SYNE2: variants seen among roughly 807,000 people sequenced by gnomAD.
SYNE2 encodes spectrin repeat containing nuclear envelope protein 2, also known as nesprin-2.
Under a neutral mutation model 856.3 loss-of-function variants are expected in SYNE2, and 431 were observed. The ratio of observed to expected loss-of-function variants is 0.50; its 90% CI spans 0.47 to 0.55. The LOEUF is 0.55. Among genes scored for constraint, SYNE2 ranks in the 20% least tolerant of loss-of-function variants. The pLI is 0.00. For synonymous variants in SYNE2, 2,923 were observed against 2,872.3 expected (o/e 1.02, Z -0.56); for missense variants, 8,129 against 8,023.2 (o/e 1.01, Z -0.50).
In SYNE2 at chr14:64,080,560, G is replaced by A. The variant is rs1199966909; in HGVS notation, c.11268G>A (p.Met3756Ile). ...EQDPGQAQEWMDNLMIPFQQY... is the reference protein window; with the variant it reads ...EQDPGQAQEWIDNLMIPFQQY... ...ACCCAGGACAGGCTCAAGAATGGAT[G>A]GATAACTTGATGATTCCTTTCCAGC... is the stretch of plus-strand genomic sequence containing the variant. The change falls in exon 56 of 116, where the codon ATG becomes ATA. Residue 3756 changes from methionine to isoleucine, a missense_variant. Physicochemically the swap from Met to Ile is conservative, Grantham distance 10. This residue lies in a region of SYNE2 where 5,410 missense variants were observed against 5,284.8 expected (regional missense o/e 1.02). Transcript: ENST00000555002. The A allele has an allele frequency of 6.2e-7, 1 of 1,614,174 alleles. No homozygotes were observed. Among genetic ancestry groups the A allele is most frequent in the South Asian group, 1.1e-5 (1 of 91,080 alleles).
chr14:64,034,637 T>C (rs1009238194), intron 45 of SYNE2: 1 of 479,262 alleles, frequency 2.1e-6, no homozygotes, highest in East Asian at 3.1e-5. Context: ...TTCTTTAATA[T>C]TGGAAATGTT....
chr14:63,903,151 G>A (rs1439906719), intron 1 of SYNE2, among the ~76,000 whole-genome samples: 1 of 152,180 alleles, frequency 6.6e-6, no homozygotes, highest in East Asian at 1.9e-4. Flanking sequence ...AAACAATTGT[G>A]TTGGAAATGT....
intron 1 of SYNE2, among the ~76,000 whole-genome samples, chr14:63,815,056 A>C (rs1277006860): frequency 7.1e-6 from 1 of 141,736 alleles, no homozygotes; most frequent in Non-Finnish European, 1.5e-5. Context: ...ATATATATCC[A>C]TATATACATC....
At position 64,190,051 on chromosome 14, in the gene SYNE2, T is replaced by C; in HGVS notation, c.17872-20T>C. ...GTTTGGGCTAATTAGCCAGGCTTTA[T>C]GTTTTGGTGCCTTTGCCAGGACTGC... On this transcript the variant is annotated intron_variant, in intron 98 of 115. Transcript: ENST00000555002. 1 of 1,613,888 alleles carries C rather than the reference T, an allele frequency of 6.2e-7. No homozygotes were observed. Among genetic ancestry groups the C allele is most frequent in the Non-Finnish European group, 8.5e-7 (1 of 1,179,910 alleles).
At chr14:63,869,763 C>G (rs1896411954) in intron 1 of SYNE2, among the ~76,000 whole-genome samples, 1 of 151,924 alleles carries the variant, frequency 6.6e-6, no homozygotes, top group South Asian at 2.1e-4. Flanking sequence ...GAATTTCCAA[C>G]TGCCGGATAG....
At chr14:63,770,151 T>C (rs1285307099) in intron 1 of SYNE2, among the ~76,000 whole-genome samples, 1 of 152,110 alleles carries the variant, frequency 6.6e-6, no homozygotes, top group Non-Finnish European at 1.5e-5. Context: ...AATATTGAAC[T>C]AGTTATTTCA....
intron 1 of SYNE2, among the ~76,000 whole-genome samples, chr14:63,886,057 G>T: frequency 6.6e-6 from 1 of 152,084 alleles, no homozygotes; most frequent in East Asian, 1.9e-4. Flanking sequence ...GAATGATTGA[G>T]CCCTACCCCA....
intron 66 of SYNE2, among the ~76,000 whole-genome samples, chr14:64,116,062 C>A (rs926374390): frequency 6.6e-6 from 1 of 151,790 alleles, no homozygotes. Context: ...TCCCAGCTAC[C>A]TGGGAGGCTG....
intron 1 of SYNE2, among the ~76,000 whole-genome samples, chr14:63,764,881 G>C (rs1306925884): frequency 1.3e-5 from 2 of 152,124 alleles, no homozygotes; most frequent in Non-Finnish European, 2.9e-5. Context: ...TGGAGAGGTC[G>C]AGGTTACAGT....
At chr14:63,793,320 A>G (rs1197736713) in intron 1 of SYNE2, among the ~76,000 whole-genome samples, 1 of 152,190 alleles carries the variant, frequency 6.6e-6, no homozygotes, top group Non-Finnish European at 1.5e-5. Flanking sequence ...AGCCCAGACA[A>G]CTTTTGAGAC....
At chr14:64,219,912 C>T (rs915106011) in intron 110 of SYNE2, among the ~76,000 whole-genome samples, 1 of 152,206 alleles carries the variant, frequency 6.6e-6, no homozygotes. Flanking sequence ...CCCACTGGAA[C>T]TAGCCCAGGG....
chr14:63,833,287 A>T (rs187786298), intron 1 of SYNE2, among the ~76,000 whole-genome samples: 6 of 152,202 alleles, frequency 3.9e-5, no homozygotes, highest in Non-Finnish European at 8.8e-5. Flanking sequence ...TAGTATTAAA[A>T]TATTTATTAA....
At chr14:64,048,477 A>T in intron 46 of SYNE2, 1 of 200,524 alleles carries the variant, frequency 5.0e-6, no homozygotes, top group Non-Finnish European at 1.0e-5. Context: ...TGACAAATGT[A>T]TTTTTCCTAA....
intron 1 of SYNE2, among the ~76,000 whole-genome samples, chr14:63,859,831 CAAAG>C (rs1315256591): frequency 1.3e-5 from 2 of 152,090 alleles, no homozygotes; most frequent in African/African-American, 4.8e-5. Context: ...AAAGAGAAAA[CAAAG>C]AAAGAAGCAA....
chr14:64,007,006 A>G (rs2096801492), intron 30 of SYNE2, 37 bp from the exon 31 acceptor site: 3 of 1,521,390 alleles, frequency 2.0e-6, no homozygotes, highest in African/African-American at 2.7e-5. Flanking sequence ...AATGGTTAAC[A>G]GTTGGCTATC....
intron 16 of SYNE2, among the ~76,000 whole-genome samples, chr14:63,982,009 G>C (rs1045100765): frequency 6.6e-6 from 1 of 152,040 alleles, no homozygotes; most frequent in Non-Finnish European, 1.5e-5. Flanking sequence ...AGAAAAACAC[G>C]CTAAGGTTGT....
intron 1 of SYNE2, among the ~76,000 whole-genome samples, chr14:63,837,861 G>T (rs1053787614): frequency 7.0e-6 from 1 of 142,314 alleles, no homozygotes; most frequent in African/African-American, 2.6e-5. Context: ...AGAGGTTTCA[G>T]TGAGCTGAGA....
chr14:64,005,562 T>G (rs2096789954), intron 30 of SYNE2, among the ~76,000 whole-genome samples: 1 of 152,228 alleles, frequency 6.6e-6, no homozygotes. Flanking sequence ...CGAGTTACCA[T>G]TAACTGAGAT....
rs1304046037 is a variant in SYNE2, at chr14:64,136,055, C to T, written c.14647-1732C>T. 4.6e-5 allele frequency among the ~76,000 whole-genome samples: 7 copies of T among 151,908 alleles called. No individual in the cohort carries two copies. The South Asian group carries it at 8.3e-4, about 18-fold the overall frequency. Reference sequence around the variant, plus strand: ...CTGTAATCCTAGCACCTTAGGAGGCCGAGGTGGGTGGATAACCTGAGGTCA... The same window carrying T: ...CTGTAATCCTAGCACCTTAGGAGGCTGAGGTGGGTGGATAACCTGAGGTCA... On this transcript the variant is annotated intron_variant, in intron 78 of 115. Transcript: ENST00000555002.
Sources: allele counts gnomAD v4.1 joint callset (sites outside exome capture counted in the v4.1 genomes callset), GRCh38; gene constraint gnomAD v4.1.1; regional missense constraint gnomAD v4.1.1; transcripts MANE v1.5; gene names NCBI Gene and HGNC (gene_info 2026-07-23, HGNC 2026-07-21).